ATXN7L1: variants seen among roughly 807,000 people sequenced by gnomAD.
ATXN7L1 encodes the protein ataxin-7-like protein 1.
Under a neutral mutation model 70.8 loss-of-function variants are expected in ATXN7L1, and 15 were observed. That is an observed-to-expected ratio of 0.21 (90% CI 0.14 to 0.33). The LOEUF is 0.33. ATXN7L1 is among the 10% of genes least tolerant of loss of function. The pLI is 1.00. For synonymous variants in ATXN7L1, 440 were observed against 445.1 expected (o/e 0.99, Z 0.14); for missense variants, 975 against 1,097.1 (o/e 0.89, Z 1.57).
At chr7:105,749,585 C>T (rs1798954638) in intron 3 of ATXN7L1, among the ~76,000 whole-genome samples, 1 of 150,342 alleles carries the variant, frequency 6.7e-6, no homozygotes, top group Non-Finnish European at 1.5e-5. Flanking sequence ...GATTGAGCCA[C>T]TGTCCTCCAG....
At chr7:105,692,761 G>T (rs934322171) in intron 3 of ATXN7L1, among the ~76,000 whole-genome samples, 2 of 151,782 alleles carry the variant, frequency 1.3e-5, no homozygotes, top group African/African-American at 2.4e-5. Context: ...CTTTTTTAGA[G>T]ACCTTTTGCT....
intron 2 of ATXN7L1, among the ~76,000 whole-genome samples, chr7:105,804,897 T>G (rs936371662): frequency 2.6e-5 from 4 of 152,188 alleles, no homozygotes; most frequent in Non-Finnish European, 5.9e-5. Flanking sequence ...CTTAGGATGT[T>G]GTACCTTTTT....
At position 105,781,210 on chromosome 7, in the gene ATXN7L1, T is replaced by G. The variant is rs1803475180; in HGVS notation, c.355+7394A>C. ...CCCATGCTGAGAAACCCTGCTTTAC[T>G]GTAGGTAGTTATGTAACTATATTAG... On this transcript the variant is annotated intron_variant, in intron 3 of 11. Coordinates refer to ENST00000419735, the MANE Select transcript of ATXN7L1 (RefSeq NM_020725.2). Among the ~76,000 whole-genome samples, 4 of 151,946 alleles carry G rather than the reference T, an allele frequency of 2.6e-5. No homozygotes were observed. The South Asian group carries it at 8.3e-4, about 32-fold the overall frequency.
At chr7:105,850,014 G>A (rs528285413) in intron 2 of ATXN7L1, among the ~76,000 whole-genome samples, 1 of 152,208 alleles carries the variant, frequency 6.6e-6, no homozygotes, top group South Asian at 2.1e-4. Context: ...CACTTCCATT[G>A]TAACATCTTT....
intron 4 of ATXN7L1, among the ~76,000 whole-genome samples, chr7:105,663,798 C>T (rs549096552): frequency 6.6e-6 from 1 of 152,004 alleles, no homozygotes; most frequent in African/African-American, 2.4e-5. Context: ...AGGAGTCTCA[C>T]TTCGTCATCC....
At chr7:105,721,375 C>T (rs552939679) in intron 3 of ATXN7L1, among the ~76,000 whole-genome samples, 8 of 152,284 alleles carry the variant, frequency 5.3e-5, no homozygotes, top group Non-Finnish European at 7.4e-5. Context: ...CAACGGGGTG[C>T]GAAGCGGAGC....
chr7:105,714,836 T>A (rs993011567), intron 3 of ATXN7L1, among the ~76,000 whole-genome samples: 5 of 152,166 alleles, frequency 3.3e-5, no homozygotes, highest in Non-Finnish European at 7.3e-5. Context: ...CTACTTTTTG[T>A]ATTTTTAGTA....
chr7:105,790,664 C>T (rs531923712), intron 2 of ATXN7L1, among the ~76,000 whole-genome samples: 8 of 137,000 alleles, frequency 5.8e-5, no homozygotes, highest in Non-Finnish European at 7.8e-5. Flanking sequence ...CATCTATCTA[C>T]TATCTATCTA....
At chr7:105,664,331 T>C (rs1802177776) in intron 4 of ATXN7L1, among the ~76,000 whole-genome samples, 1 of 151,574 alleles carries the variant, frequency 6.6e-6, no homozygotes, top group African/African-American at 2.4e-5. Flanking sequence ...AACTGAGAAA[T>C]ATTTCCCTGT....
At chr7:105,789,900 A>G (rs1172840640) in intron 2 of ATXN7L1, among the ~76,000 whole-genome samples, 1 of 152,188 alleles carries the variant, frequency 6.6e-6, no homozygotes. Flanking sequence ...ATAGCCAAAA[A>G]GTGGAAACAA....
At chr7:105,628,685 C>T (rs1021254153) in intron 7 of ATXN7L1, among the ~76,000 whole-genome samples, 17 of 151,610 alleles carry the variant, frequency 1.1e-4, no homozygotes, top group Non-Finnish European at 2.4e-4. Context: ...CCCAGCTACT[C>T]GGGAGGCTGA....
At position 105,638,467 on chromosome 7, in the gene ATXN7L1, G is replaced by A. The variant is rs758798783; in HGVS notation, c.1088C>T (p.Pro363Leu). The change falls in exon 7 of 12, where the codon CCA becomes CTA. Residue 363 changes from proline to leucine, a missense_variant. This residue lies in a region of ATXN7L1 where 635 missense variants were observed against 699.4 expected (regional missense o/e 0.91). Transcript: ENST00000419735. ...HLLTSTREILPSQSGPAQDSL... is the reference protein window; with the variant it reads ...HLLTSTREILLSQSGPAQDSL... Reference sequence around the variant, plus strand: ...ATCCTGTGCCGGCCCGGATTGGCTTGGAAGTATTTCCCTCGTGGAAGTCAG... The same window carrying A: ...ATCCTGTGCCGGCCCGGATTGGCTTAGAAGTATTTCCCTCGTGGAAGTCAG... The A allele has an allele frequency of 1.7e-5, 26 of 1,552,142 alleles. No individual in the cohort carries two copies. The highest frequency in any genetic ancestry group is 2.1e-5 in the Non-Finnish European group (24 of 1,147,126).
intron 2 of ATXN7L1, among the ~76,000 whole-genome samples, chr7:105,798,447 A>T (rs146680075): frequency 3.9e-4 from 60 of 152,306 alleles, no homozygotes; most frequent in African/African-American, 1.2e-3. Flanking sequence ...ACTGTCTGAC[A>T]CTGGGCCAGC....
chr7:105,743,889 G>A (rs1054443761), intron 3 of ATXN7L1, among the ~76,000 whole-genome samples: 2 of 152,234 alleles, frequency 1.3e-5, no homozygotes, highest in Admixed American at 6.5e-5. Context: ...CATTAATCAA[G>A]TATCAATCAC....
Position 105,614,068 on chromosome 7 carries a change from C to T in ATXN7L1, c.2266G>A (p.Asp756Asn). ...SVPSLALHAG[D>N]LSLASHNAVS... ...GCATTGTGTGAGGCCAGAGAGAGGT[C>T]CCCTGCGTGGAGCGCAAGGGAGGGC... The change falls in exon 10 of 12, where the codon GAC becomes AAC. Residue 756 changes from aspartate to asparagine, a missense_variant. Coordinates refer to ENST00000419735, the MANE Select transcript of ATXN7L1 (RefSeq NM_020725.2). This position sits in a 1 kb window ranked among gnomAD's most constrained non-coding sequence, Gnocchi z 4.3. 6.4e-7 allele frequency: 1 copy of T among 1,551,776 alleles called. No individual in the cohort carries two copies. The highest frequency in any genetic ancestry group is 8.7e-7 in the Non-Finnish European group (1 of 1,147,024).
intron 2 of ATXN7L1, among the ~76,000 whole-genome samples, chr7:105,798,588 T>G (rs1387797351): frequency 6.6e-6 from 1 of 152,260 alleles, no homozygotes. Flanking sequence ...CCTTGGCCTA[T>G]GCCTGCCTTA....
intron 2 of ATXN7L1, among the ~76,000 whole-genome samples, chr7:105,871,472 G>T (rs369885075): frequency 6.6e-6 from 1 of 152,198 alleles, no homozygotes; most frequent in South Asian, 2.1e-4. Context: ...AGCACTTTGG[G>T]ATGCTGAGGC....
intron 3 of ATXN7L1, among the ~76,000 whole-genome samples, chr7:105,759,488 G>GTT (rs1193403760): frequency 4.1e-5 from 6 of 145,758 alleles, no homozygotes; most frequent in Admixed American, 2.7e-4. Flanking sequence ...GTGTGTGTGT[G>GTT]TGTATGTCAG....
At chr7:105,802,894 G>A (rs1272996629) in intron 2 of ATXN7L1, among the ~76,000 whole-genome samples, 2 of 152,206 alleles carry the variant, frequency 1.3e-5, no homozygotes, top group Admixed American at 1.3e-4. Flanking sequence ...GGCATGACCT[G>A]TCTCTATGGG....
Sources: allele counts gnomAD v4.1 joint callset (sites outside exome capture counted in the v4.1 genomes callset), GRCh38; gene constraint gnomAD v4.1.1; regional missense constraint gnomAD v4.1.1; non-coding constraint Gnocchi (gnomAD v3.1); transcripts MANE v1.5; gene names NCBI Gene and HGNC (gene_info 2026-07-23, HGNC 2026-07-21).